The following TMTC4 variants were observed in gnomAD, a reference collection of about 807,000 sequenced individuals.
TMTC4 encodes protein O-mannosyl-transferase TMTC4.
TMTC4 carries 65 observed loss-of-function variants against 86.0 expected under a neutral mutation model. The ratio of observed to expected loss-of-function variants is 0.76; its 90% confidence interval spans 0.62 to 0.93. The LOEUF (loss-of-function observed/expected upper bound fraction) is 0.93. Among genes scored for constraint, TMTC4 ranks in the 40% least tolerant of loss-of-function variants. The probability of loss-of-function intolerance (pLI) is 0.00; values close to 1 mark genes in which losing one functional copy is unlikely to be tolerated. For missense variants in TMTC4, 866 were observed against 948.1 expected (o/e 0.91, Z 1.14); for synonymous variants, 379 against 382.5 (o/e 0.99, Z 0.11).
chr13:100,615,859 T>C (rs887170417), intron 15 of TMTC4, among the ~76,000 whole-genome samples: 6 of 152,232 alleles, frequency 3.9e-5, no homozygotes, highest in Non-Finnish European at 1.5e-5. Flanking sequence ...ATCCAGGTAG[T>C]GAGCACAGTA....
At chr13:100,652,495 T>C (rs1314745074) in intron 6 of TMTC4, among the ~76,000 whole-genome samples, 1 of 152,114 alleles carries the variant, frequency 6.6e-6, no homozygotes, top group Non-Finnish European at 1.5e-5. Flanking sequence ...AATAAATAAA[T>C]AAACATGCGA....
intron 1 of TMTC4, chr13:100,674,494 C>T (rs938176659): frequency 4.8e-5 from 36 of 751,696 alleles, no homozygotes; most frequent in Non-Finnish European, 5.6e-5. Context: ...GCGCGGCGGG[C>T]GGGGCGCGCA....
intron 6 of TMTC4, among the ~76,000 whole-genome samples, chr13:100,650,555 C>T (rs906330494): frequency 1.9e-4 from 29 of 152,246 alleles, no homozygotes; most frequent in African/African-American, 5.5e-4. Context: ...CACGCCACCC[C>T]GACAGGTGGC....
In TMTC4 at chr13:100,656,503, A is replaced by C. The variant is rs959724444; in HGVS notation, c.553-35T>G. The C allele has an allele frequency of 2.0e-6, 3 of 1,530,370 alleles. No homozygotes were observed. In the African/African-American group the frequency reaches 4.2e-5, roughly 21 times the overall value. 94.8% of individuals were successfully genotyped at this position (1,530,370 alleles called of 1,614,324 possible). A position where few individuals can be genotyped will look rare whatever the true frequency, so the allele number is the denominator to read the frequency against. On this transcript the variant is annotated intron_variant, in intron 5 of 18. Transcript: ENST00000342624. ...GGGGGAAGAAAACAAAGAATTACAT[A>C]AAACACATTTAAGGAAATCCTAAAC...
chr13:100,617,540 G>A (rs1008151549), intron 15 of TMTC4, among the ~76,000 whole-genome samples: 3 of 152,112 alleles, frequency 2.0e-5, no homozygotes, highest in Non-Finnish European at 4.4e-5. Flanking sequence ...TCACTCTTTT[G>A]CGTATGGCTA....
At chr13:100,615,243 T>G (rs1341109429) in intron 15 of TMTC4, among the ~76,000 whole-genome samples, 1 of 151,836 alleles carries the variant, frequency 6.6e-6, no homozygotes, top group Non-Finnish European at 1.5e-5. Flanking sequence ...GTTCATGTGA[T>G]TCTCCCGCTT....
rs979658676 is a variant in TMTC4, at chr13:100,674,753, G to A, written c.-217C>T. The stretch of plus-strand genomic sequence containing the variant: ...CCGCCCCGCGCGTTACCTGCAAGGA[G>A]CCTGAGCCCCGGCCGCATCTCCCTC... On this transcript the variant is annotated 5_prime_UTR_variant, in exon 1 of 19. Coordinates refer to ENST00000342624, the MANE Select transcript of TMTC4 (RefSeq NM_032813.5). 2.0e-6 allele frequency: 2 copies of A among 983,606 alleles called. No homozygotes were observed. Among genetic ancestry groups the A allele is most frequent in the Admixed American group, 6.2e-5 (1 of 16,120 alleles). The allele number at this position is 983,606 out of a possible 1,614,324, so 60.9% of individuals were successfully genotyped here.
chr13:100,657,962 G>C (rs1885307073), intron 5 of TMTC4, among the ~76,000 whole-genome samples: 1 of 152,086 alleles, frequency 6.6e-6, no homozygotes, highest in South Asian at 2.1e-4. Flanking sequence ...TGAATAAGCT[G>C]ATAAATCCAC....
intron 6 of TMTC4, 51 bp downstream of exon 6, chr13:100,656,326 ACAGG>A: frequency 6.6e-7 from 1 of 1,518,458 alleles, no homozygotes; most frequent in Non-Finnish European, 9.1e-7. Context: ...ACACTGCTCA[ACAGG>A]ACAAAAACAT....
intron 12 of TMTC4, 98 bp from the exon 13 acceptor site, chr13:100,626,248 C>A: frequency 3.8e-6 from 5 of 1,303,110 alleles, no homozygotes; most frequent in South Asian, 2.5e-5. Flanking sequence ...GGTAAAGCGA[C>A]GAGGAAAAAA....
At chr13:100,610,278 C>T (rs1877355173) in intron 17 of TMTC4, among the ~76,000 whole-genome samples, 1 of 152,226 alleles carries the variant, frequency 6.6e-6, no homozygotes, top group Non-Finnish European at 1.5e-5. Flanking sequence ...ACATCCTGCC[C>T]AGTGCTCTGC....
intron 16 of TMTC4, 38 bp downstream of exon 16, chr13:100,614,278 G>C: frequency 6.8e-7 from 1 of 1,477,378 alleles, no homozygotes; most frequent in Non-Finnish European, 9.4e-7. Context: ...TTACTGTGGA[G>C]CCATTTCCTG....
chr13:100,620,808 TTACTA>T (rs1390697372), intron 15 of TMTC4, among the ~76,000 whole-genome samples: 2 of 152,140 alleles, frequency 1.3e-5, no homozygotes, highest in Non-Finnish European at 2.9e-5. Context: ...CTGTCTCCTG[TTACTA>T]GAGAGTGATT....
intron 1 of TMTC4, chr13:100,674,306 C>A: frequency 1.0e-6 from 1 of 979,118 alleles, no homozygotes; most frequent in Non-Finnish European, 1.2e-6. Flanking sequence ...CTGTGTCCAG[C>A]CATCGCCTGC....
At chr13:100,613,191 A>T (rs1221113432) in intron 16 of TMTC4, among the ~76,000 whole-genome samples, 1 of 151,826 alleles carries the variant, frequency 6.6e-6, no homozygotes, top group Non-Finnish European at 1.5e-5. Flanking sequence ...ACTAGAACTG[A>T]CTCCTATCTG....
intron 15 of TMTC4, among the ~76,000 whole-genome samples, chr13:100,616,721 G>C (rs1334694474): frequency 6.6e-6 from 1 of 152,180 alleles, no homozygotes; most frequent in East Asian, 1.9e-4. Flanking sequence ...TGACTGGTGT[G>C]AGATGGTATC....
intron 6 of TMTC4, among the ~76,000 whole-genome samples, chr13:100,653,774 C>T (rs975274908): frequency 2.6e-5 from 4 of 152,104 alleles, no homozygotes; most frequent in South Asian, 2.1e-4. Flanking sequence ...TTTACACTGC[C>T]GAGAAAAACT....
rs573189825 is a variant in TMTC4, at chr13:100,629,376, C to T, written c.1507-3226G>A. 5.3e-5 allele frequency among the ~76,000 whole-genome samples: 8 copies of T among 152,046 alleles called. No individual in the cohort carries two copies. The South Asian group carries it at 6.3e-4, about 12-fold the overall frequency. ...TTGAGTGGCACCCACCAGCTGGGAGCGGTGTTGCGTGCTGTGTGATCGCGG... is the reference window on the plus strand; with the variant it reads ...TTGAGTGGCACCCACCAGCTGGGAGTGGTGTTGCGTGCTGTGTGATCGCGG... On this transcript the variant is annotated intron_variant, in intron 12 of 18. Transcript: ENST00000342624.
At chr13:100,669,260 G>A (rs904848802) in intron 2 of TMTC4, among the ~76,000 whole-genome samples, 2 of 152,174 alleles carry the variant, frequency 1.3e-5, no homozygotes. Context: ...TTCTGAAAGA[G>A]CTTATGGTCT....
Sources: gnomAD v4.1 joint callset for allele counts (sites outside exome capture counted in the v4.1 genomes callset) on GRCh38, gnomAD v4.1.1 for gene constraint, MANE v1.5 for transcripts, NCBI Gene and HGNC (gene_info 2026-07-23, HGNC 2026-07-21) for gene names.